Variants in TBC1D5 observed in about 807,000 individuals in gnomAD.
The protein encoded by TBC1D5 is TBC1 domain family, member 5.
TBC1D5 carries 75 observed loss-of-function variants against 100.3 expected under a neutral mutation model. The ratio of observed to expected loss-of-function variants is 0.75; its 90% CI spans 0.62 to 0.91. The LOEUF is 0.91. TBC1D5 is among the 40% of genes least tolerant of loss of function. The pLI is 0.00. For synonymous variants in TBC1D5, 323 were observed against 325.6 expected (o/e 0.99, Z 0.09); for missense variants, 910 against 942.4 (o/e 0.97, Z 0.45).
At chr3:17,229,303 T>C (rs2733507) in intron 17 of TBC1D5, among the ~76,000 whole-genome samples, 71,136 of 151,706 alleles carry the variant, frequency 0.47, 17,994 homozygotes, top group African/African-American at 0.62. Flanking sequence ...GAGTGACAGA[T>C]AGCAAAAAGG....
At chr3:17,715,783 G>GA (rs983258904) in intron 1 of TBC1D5, among the ~76,000 whole-genome samples, 4 of 152,192 alleles carry the variant, frequency 2.6e-5, no homozygotes, top group Admixed American at 2.0e-4. Context: ...CCCTGGAAGA[G>GA]AGAGCAAGAC....
intron 15 of TBC1D5, among the ~76,000 whole-genome samples, chr3:17,261,557 T>G (rs1254218543): frequency 2.0e-5 from 3 of 152,094 alleles, no homozygotes; most frequent in Non-Finnish European, 4.4e-5. Context: ...CATTGAACCC[T>G]TGACATCCCA....
intron 1 of TBC1D5, among the ~76,000 whole-genome samples, chr3:17,654,471 C>T (rs572765070): frequency 6.6e-6 from 1 of 152,176 alleles, no homozygotes; most frequent in East Asian, 1.9e-4. Flanking sequence ...AAAAATGAAA[C>T]CCATACATTG....
exon 22 of TBC1D5, chr3:17,160,990 G>A (rs2065968473): frequency 4.3e-6 from 7 of 1,614,014 alleles, no homozygotes; most frequent in Non-Finnish European, 5.9e-6. Context: ...TCACAATGGT[G>A]AAGCCAGAGT....
At chr3:17,705,060 C>CT in intron 1 of TBC1D5, among the ~76,000 whole-genome samples, 1 of 138,448 alleles carries the variant, frequency 7.2e-6, no homozygotes, top group East Asian at 2.4e-4. Flanking sequence ...GCTGACCCCC[C>CT]CACCTCCCTC....
At chr3:17,312,378 T>A (rs1661071590) in intron 13 of TBC1D5, among the ~76,000 whole-genome samples, 1 of 152,140 alleles carries the variant, frequency 6.6e-6, no homozygotes, top group African/African-American at 2.4e-5. Flanking sequence ...TTCAATTAGG[T>A]CTTTAAAAAC....
chr3:17,543,866 G>GT (rs376186298), intron 2 of TBC1D5, among the ~76,000 whole-genome samples: 78 of 144,520 alleles, frequency 5.4e-4, no homozygotes, highest in African/African-American at 1.1e-3. Flanking sequence ...AAAGTTGTTT[G>GT]TTTTTTTTTT....
chr3:17,655,787 C>T (rs1306650089), intron 1 of TBC1D5, among the ~76,000 whole-genome samples: 1 of 152,104 alleles, frequency 6.6e-6, no homozygotes, highest in Non-Finnish European at 1.5e-5. Flanking sequence ...ATAAGAAATA[C>T]TCAACTTGCA....
intron 13 of TBC1D5, among the ~76,000 whole-genome samples, chr3:17,317,621 T>C (rs1378181575): frequency 6.6e-6 from 1 of 152,244 alleles, no homozygotes; most frequent in Non-Finnish European, 1.5e-5. Flanking sequence ...ATATAATATT[T>C]TTTTAAGGAC....
chr3:17,657,726 C>T (rs35460561), intron 1 of TBC1D5, among the ~76,000 whole-genome samples: 77 of 152,314 alleles, frequency 5.1e-4, no homozygotes, highest in Non-Finnish European at 6.2e-4. Flanking sequence ...TCTTTAGAGA[C>T]TTTACATCTC....
chr3:17,510,796 C>T (rs149967469), intron 2 of TBC1D5, among the ~76,000 whole-genome samples: 2 of 152,094 alleles, frequency 1.3e-5, no homozygotes, highest in African/African-American at 2.4e-5. Flanking sequence ...CTAAATGTTT[C>T]ATGTACACTC....
intron 2 of TBC1D5, among the ~76,000 whole-genome samples, chr3:17,558,704 G>A (rs1462199915): frequency 6.6e-6 from 1 of 152,158 alleles, no homozygotes; most frequent in Non-Finnish European, 1.5e-5. Flanking sequence ...AATATCTTAG[G>A]CTCTGTGGGC....
At chr3:17,718,938 G>A (rs1016658664) in intron 1 of TBC1D5, among the ~76,000 whole-genome samples, 1 of 151,940 alleles carries the variant, frequency 6.6e-6, no homozygotes, top group African/African-American at 2.4e-5. Flanking sequence ...ACTACATACC[G>A]AAAACACACA....
intron 2 of TBC1D5, among the ~76,000 whole-genome samples, chr3:17,540,905 C>CAAAAAA (rs71634807): frequency 1.3e-4 from 4 of 31,458 alleles, no homozygotes; most frequent in East Asian, 2.0e-3. Flanking sequence ...GGCTCCATCT[C>CAAAAAA]AAAAAAAAAA....
chr3:17,394,802 C>T (rs552800394), intron 8 of TBC1D5, among the ~76,000 whole-genome samples: 2 of 152,078 alleles, frequency 1.3e-5, no homozygotes, highest in Admixed American at 6.6e-5. Flanking sequence ...ACGACGCAAT[C>T]GGGCGCTAGG....
chr3:17,692,991 G>A (rs943389713), intron 1 of TBC1D5, among the ~76,000 whole-genome samples: 13 of 152,186 alleles, frequency 8.5e-5, no homozygotes, highest in South Asian at 2.1e-4. Flanking sequence ...TTACATGGGC[G>A]GAGCCCCCTT....
intron 17 of TBC1D5, among the ~76,000 whole-genome samples, chr3:17,219,344 G>A (rs1015826501): frequency 6.6e-6 from 1 of 151,640 alleles, no homozygotes; most frequent in African/African-American, 2.4e-5. Flanking sequence ...TTTAGACAGG[G>A]TTTCTTGCAG....
intron 2 of TBC1D5, among the ~76,000 whole-genome samples, chr3:17,529,538 C>T (rs1238136334): frequency 6.6e-6 from 1 of 152,062 alleles, no homozygotes; most frequent in Non-Finnish European, 1.5e-5. Context: ...GGGGTGTTTA[C>T]ATATATACAT....
rs201160092 is a variant in TBC1D5, at chr3:17,518,062, T to C, written c.-35-9457A>G. Among the ~76,000 whole-genome samples the C allele has an allele frequency of 5.9e-5, 9 of 152,294 alleles. No individual in the cohort carries two copies. In the East Asian group the frequency reaches 1.3e-3, roughly 23 times the overall value. ...GACAGCAGATGCATTACTTGTTACATATTTTTAAGGTTATACTGATCTCAG... is the reference window on the plus strand; with the variant it reads ...GACAGCAGATGCATTACTTGTTACACATTTTTAAGGTTATACTGATCTCAG... On this transcript the variant is annotated intron_variant, in intron 2 of 21. Coordinates refer to ENST00000253692, the Ensembl canonical transcript of TBC1D5.
Sources: gnomAD v4.1 joint callset for allele counts (sites outside exome capture counted in the v4.1 genomes callset) on GRCh38, gnomAD v4.1.1 for gene constraint, MANE v1.5 for transcripts, NCBI Gene and HGNC (gene_info 2026-07-23, HGNC 2026-07-21) for gene names.